The following GRM3 variants were observed in gnomAD, a reference collection of about 807,000 sequenced individuals.
GRM3 encodes metabotropic glutamate receptor 3.
A neutral mutation model predicts 70.5 loss-of-function variants in GRM3; 26 were observed. The ratio of observed to expected loss-of-function variants is 0.37; its 90% confidence interval spans 0.27 to 0.51. The LOEUF (loss-of-function observed/expected upper bound fraction) is 0.51. Among genes scored for constraint, GRM3 ranks in the 20% least tolerant of loss-of-function variants. The pLI is 0.93. For synonymous variants in GRM3, 443 were observed against 434.9 expected, an observed-to-expected ratio of 1.02 and a Z score of -0.23; for missense variants, 859 against 1,123.8, an observed-to-expected ratio of 0.76 and a Z score of 3.37.
chr7:86,670,010 C>T (rs535947853), intron 1 of GRM3, among the ~76,000 whole-genome samples: 31 of 152,276 alleles, frequency 2.0e-4, no homozygotes, highest in African/African-American at 7.0e-4. Flanking sequence ...ACTTGAAACA[C>T]TCTGTAGCTC....
intron 1 of GRM3, among the ~76,000 whole-genome samples, chr7:86,697,522 A>G (rs1794846604): frequency 2.0e-5 from 3 of 151,952 alleles, no homozygotes; most frequent in African/African-American, 7.3e-5. Flanking sequence ...CAGAGAAGAC[A>G]TTTTTTCTGA....
At chr7:86,780,941 A>C (rs745346104) in intron 2 of GRM3, among the ~76,000 whole-genome samples, 2 of 152,202 alleles carry the variant, frequency 1.3e-5, no homozygotes, top group Non-Finnish European at 2.9e-5. Context: ...TCATTGCATC[A>C]TTATAGTGAG....
intron 1 of GRM3, among the ~76,000 whole-genome samples, chr7:86,662,332 C>T (rs1408249818): frequency 6.6e-6 from 1 of 151,648 alleles, no homozygotes; most frequent in African/African-American, 2.4e-5. Flanking sequence ...TTCTTTATCA[C>T]TGAAATCTAT....
chr7:86,762,531 GT>G (rs1057361461), intron 1 of GRM3, among the ~76,000 whole-genome samples: 9 of 152,214 alleles, frequency 5.9e-5, no homozygotes, highest in Middle Eastern at 3.4e-3. Context: ...GTTTCATTGA[GT>G]TTTTTTCTTC....
At chr7:86,843,125 A>G (rs775408587) in intron 4 of GRM3, among the ~76,000 whole-genome samples, 2 of 152,176 alleles carry the variant, frequency 1.3e-5, no homozygotes, top group Non-Finnish European at 2.9e-5. Context: ...CAAAAAAGTG[A>G]CATGATGAAA....
chr7:86,668,542 C>A (rs1794089638), intron 1 of GRM3, among the ~76,000 whole-genome samples: 1 of 152,152 alleles, frequency 6.6e-6, no homozygotes, highest in African/African-American at 2.4e-5. Flanking sequence ...GCTACCACAA[C>A]TTCATATAAT....
intron 3 of GRM3, among the ~76,000 whole-genome samples, chr7:86,833,367 G>A (rs1197766865): frequency 6.6e-6 from 1 of 151,716 alleles, no homozygotes; most frequent in Non-Finnish European, 1.5e-5. Context: ...TGCACATTGT[G>A]CACATGTACC....
At chr7:86,750,674 TTAAA>T (rs1217686275) in intron 1 of GRM3, among the ~76,000 whole-genome samples, 1 of 151,674 alleles carries the variant, frequency 6.6e-6, no homozygotes, top group Admixed American at 6.6e-5. Flanking sequence ...GAGCAATATC[TTAAA>T]TAGACTAAAG....
At chr7:86,825,790 G>C (rs1046255354) in intron 3 of GRM3, among the ~76,000 whole-genome samples, 1 of 152,176 alleles carries the variant, frequency 6.6e-6, no homozygotes, top group Admixed American at 6.5e-5. Context: ...CCTTGATACT[G>C]TGATTGCATT....
At chr7:86,694,671 T>A (rs1285353711) in intron 1 of GRM3, among the ~76,000 whole-genome samples, 3 of 152,172 alleles carry the variant, frequency 2.0e-5, no homozygotes, top group Non-Finnish European at 4.4e-5. Flanking sequence ...TATTAAATAC[T>A]GATCCATGGT....
intron 3 of GRM3, among the ~76,000 whole-genome samples, chr7:86,814,144 G>T (rs1182254841): frequency 6.6e-6 from 1 of 151,772 alleles, no homozygotes. Flanking sequence ...CAATTTAATG[G>T]CTCTGTTGCG....
At chr7:86,673,680 A>G (rs1259317132) in intron 1 of GRM3, among the ~76,000 whole-genome samples, 1 of 152,056 alleles carries the variant, frequency 6.6e-6, no homozygotes, top group Non-Finnish European at 1.5e-5. Context: ...TGGTACATCT[A>G]TTCAAGACAT....
intron 3 of GRM3, among the ~76,000 whole-genome samples, chr7:86,802,691 C>T (rs1010102388): frequency 1.3e-5 from 2 of 151,696 alleles, no homozygotes; most frequent in Non-Finnish European, 2.9e-5. Flanking sequence ...TTCTCTCACT[C>T]TAATTACAAA....
At chr7:86,685,448 C>G (rs1173403999) in intron 1 of GRM3, among the ~76,000 whole-genome samples, 1 of 152,312 alleles carries the variant, frequency 6.6e-6, no homozygotes, top group South Asian at 2.1e-4. Context: ...GAAACAAGCT[C>G]TGGCACCTGT....
chr7:86,748,205 T>C (rs1278149526), intron 1 of GRM3, among the ~76,000 whole-genome samples: 1 of 152,066 alleles, frequency 6.6e-6, no homozygotes, highest in Middle Eastern at 3.2e-3. Context: ...CAGCTGACCA[T>C]CAATCCCTGT....
chr7:86,764,178 T>A (rs566236720), intron 1 of GRM3, among the ~76,000 whole-genome samples: 2 of 152,080 alleles, frequency 1.3e-5, no homozygotes, highest in East Asian at 3.9e-4. Context: ...TGGAGCTCAT[T>A]TAAGTGGTAG....
At chr7:86,710,464 A>T (rs1186527548) in intron 1 of GRM3, among the ~76,000 whole-genome samples, 1 of 122,618 alleles carries the variant, frequency 8.2e-6, no homozygotes, top group Non-Finnish European at 1.6e-5. Context: ...AGGAAAAGTT[A>T]AAAAAAAAAA....
intron 1 of GRM3, among the ~76,000 whole-genome samples, chr7:86,677,575 G>A (rs1413957537): frequency 6.6e-6 from 1 of 151,970 alleles, no homozygotes; most frequent in Non-Finnish European, 1.5e-5. Flanking sequence ...CTGAAAACAA[G>A]AGTATCATGA....
chr7:86,784,591 T>G (rs1183426947), intron 2 of GRM3: 1 of 152,226 alleles, frequency 6.6e-6, no homozygotes, highest in East Asian at 1.9e-4. Context: ...TCAGTCAGGC[T>G]GAGTGAAGCA....
Sources: allele counts gnomAD v4.1 joint callset (sites outside exome capture counted in the v4.1 genomes callset), GRCh38; gene constraint gnomAD v4.1.1; transcripts MANE v1.5; gene names NCBI Gene and HGNC (gene_info 2026-07-23, HGNC 2026-07-21).